The following ACYP2 variants were observed in gnomAD, a reference collection of about 807,000 sequenced individuals.
ACYP2 encodes the protein acylphosphatase 2.
In ACYP2, 12 loss-of-function variants were observed where a neutral mutation model predicts 11.2. That is an observed-to-expected ratio of 1.08 (90% CI 0.69 to 1.74). The LOEUF is 1.74. Among genes scored for constraint, ACYP2 ranks in the 40% most tolerant of loss-of-function variants. The pLI, the probability that ACYP2 is intolerant of heterozygous loss-of-function variation, is 0.00. For missense variants in ACYP2, 134 were observed against 101.9 expected, an observed-to-expected ratio of 1.31 and a Z score of -1.35; for synonymous variants, 43 against 32.2, an observed-to-expected ratio of 1.33 and a Z score of -1.13.
chr2:54,016,681 C>T (rs1673702091), intron 2 of ACYP2, among the ~76,000 whole-genome samples: 2 of 150,790 alleles, frequency 1.3e-5, no homozygotes. Context: ...GTCTCACAGT[C>T]CTGAAGGCTG....
intron 2 of ACYP2, among the ~76,000 whole-genome samples, chr2:54,043,740 A>G (rs1017705839): frequency 1.3e-5 from 2 of 152,186 alleles, no homozygotes; most frequent in African/African-American, 4.8e-5. Context: ...GTATCCAGAC[A>G]TCCTTCCATG....
chr2:54,074,569 G>C (rs546760671), intron 4 of ACYP2, among the ~76,000 whole-genome samples: 114 of 145,874 alleles, frequency 7.8e-4, no homozygotes, highest in African/African-American at 2.9e-3. Context: ...TATATAAATA[G>C]AACAGAATTT....
chr2:54,094,230 T>A (rs944277722), intron 4 of ACYP2, among the ~76,000 whole-genome samples: 65 of 110,614 alleles, frequency 5.9e-4, no homozygotes, highest in East Asian at 2.5e-3. Flanking sequence ...AGAAAAAAAA[T>A]TTTTTTTTTT....
intron 6 of ACYP2, among the ~76,000 whole-genome samples, chr2:54,204,327 A>C (rs141300822): frequency 0.011 from 1,522 of 144,092 alleles, 16 homozygotes; most frequent in African/African-American, 0.036. Context: ...TTTTTTTTTC[A>C]GCTCATCAGC....
At position 54,295,042 on chromosome 2, in the gene ACYP2, G is replaced by C. The variant is rs536174972; in HGVS notation, c.405-9646G>C. Reference sequence around the variant, plus strand: ...ACTATATAGTTGAGTGTATACAGCTGTGCACTGGACTTGACAGAAGCTGAT... The same window carrying C: ...ACTATATAGTTGAGTGTATACAGCTCTGCACTGGACTTGACAGAAGCTGAT... On this transcript the variant is annotated intron_variant, in intron 6 of 6. Coordinates refer to ENST00000607452, the MANE Select transcript of ACYP2 (RefSeq NM_001320586.2). 3.3e-5 allele frequency among the ~76,000 whole-genome samples: 5 copies of C among 152,306 alleles called. No individual in the cohort carries two copies. The South Asian group carries it at 1.0e-3, about 32-fold the overall frequency.
intron 6 of ACYP2, among the ~76,000 whole-genome samples, chr2:54,232,961 T>C (rs1444855257): frequency 3.3e-5 from 5 of 152,218 alleles, no homozygotes; most frequent in Non-Finnish European, 7.3e-5. Context: ...GTTACAACAT[T>C]TCACTTTTAA....
intron 6 of ACYP2, among the ~76,000 whole-genome samples, chr2:54,181,992 A>T (rs999087441): frequency 1.3e-5 from 2 of 151,816 alleles, no homozygotes; most frequent in Non-Finnish European, 2.9e-5. Flanking sequence ...TGTCAGTACA[A>T]ACGTCTACCA....
chr2:54,231,780 G>A (rs951431853), intron 6 of ACYP2, among the ~76,000 whole-genome samples: 4 of 152,186 alleles, frequency 2.6e-5, no homozygotes, highest in African/African-American at 9.7e-5. Flanking sequence ...TGATGTAAGA[G>A]TCCATTTCCT....
At chr2:54,270,599 ATG>A (rs1274031145) in intron 6 of ACYP2, among the ~76,000 whole-genome samples, 1 of 152,200 alleles carries the variant, frequency 6.6e-6, no homozygotes, top group Non-Finnish European at 1.5e-5. Flanking sequence ...AAAGCGAGAT[ATG>A]TCTCAAAATT....
chr2:54,199,547 A>C (rs371811292), intron 6 of ACYP2, among the ~76,000 whole-genome samples: 44 of 152,172 alleles, frequency 2.9e-4, no homozygotes, highest in African/African-American at 9.2e-4. Flanking sequence ...AGTGGAGAAA[A>C]ACAAAGTGTT....
intron 6 of ACYP2, among the ~76,000 whole-genome samples, chr2:54,188,607 C>A (rs1389914177): frequency 6.6e-6 from 1 of 152,098 alleles, no homozygotes; most frequent in Non-Finnish European, 1.5e-5. Context: ...TTATGTAGTA[C>A]TTTTCGTATT....
intron 1 of ACYP2, chr2:53,971,416 T>G (rs911474815): frequency 6.6e-6 from 1 of 152,304 alleles, no homozygotes; most frequent in African/African-American, 2.4e-5. Flanking sequence ...ATAGATTTAT[T>G]TACTCCATCC....
intron 2 of ACYP2, among the ~76,000 whole-genome samples, chr2:54,035,864 A>G (rs905777228): frequency 2.0e-5 from 3 of 152,196 alleles, no homozygotes; most frequent in Admixed American, 6.5e-5. Context: ...CTTTGAGAAT[A>G]AACTGTAGGA....
intron 6 of ACYP2, among the ~76,000 whole-genome samples, chr2:54,173,152 C>T (rs564493331): frequency 6.6e-6 from 1 of 152,198 alleles, no homozygotes; most frequent in Non-Finnish European, 1.5e-5. Context: ...AACTAATTTA[C>T]ACTCCCACCA....
intron 4 of ACYP2, among the ~76,000 whole-genome samples, chr2:54,121,091 G>T (rs921147954): frequency 6.6e-6 from 1 of 152,154 alleles, no homozygotes; most frequent in African/African-American, 2.4e-5. Flanking sequence ...CCTGCCATTC[G>T]CTCTTGTCCC....
chr2:54,304,819 T>C lies in ACYP2; in HGVS notation c.*17T>C. 7.2e-7 allele frequency: 1 copy of C among 1,386,940 alleles called. No homozygotes were observed. The highest frequency in any genetic ancestry group is 1.0e-6 in the Non-Finnish European group (1 of 980,476). The allele number at this position is 1,386,940 out of a possible 1,614,324, so 85.9% of individuals were successfully genotyped here. ...AGATACTAATAGAAGAGAAAAATTGTAACACACTGAACAATAGATACTGTA... is the reference window on the plus strand; with the variant it reads ...AGATACTAATAGAAGAGAAAAATTGCAACACACTGAACAATAGATACTGTA... On this transcript the variant is annotated 3_prime_UTR_variant, in exon 7 of 7. Transcript: ENST00000607452.
At chr2:54,042,422 T>C (rs746754873) in intron 2 of ACYP2, among the ~76,000 whole-genome samples, 2 of 152,242 alleles carry the variant, frequency 1.3e-5, no homozygotes, top group Non-Finnish European at 2.9e-5. Flanking sequence ...GCAAATCTTA[T>C]ATCATAGGTC....
At chr2:54,126,594 T>C (rs1000065405) in intron 4 of ACYP2, among the ~76,000 whole-genome samples, 3 of 101,978 alleles carry the variant, frequency 2.9e-5, no homozygotes, top group Admixed American at 2.1e-4. Flanking sequence ...AGAGTCAAAT[T>C]TGCAAAAAAA....
chr2:54,123,096 A>T (rs1033690997), intron 4 of ACYP2: 2 of 340,920 alleles, frequency 5.9e-6, no homozygotes, highest in South Asian at 1.5e-4. Flanking sequence ...TGGGCTGTGC[A>T]TGTTTCTCCT....
Sources: gnomAD v4.1 joint callset for allele counts (sites outside exome capture counted in the v4.1 genomes callset) on GRCh38, gnomAD v4.1.1 for gene constraint, MANE v1.5 for transcripts, NCBI Gene and HGNC (gene_info 2026-07-23, HGNC 2026-07-21) for gene names.